The following FBXW4 variants were observed in gnomAD, a reference collection of about 807,000 sequenced individuals.
The protein encoded by FBXW4 is F-box/WD repeat-containing protein 4.
Under a neutral mutation model 61.8 loss-of-function variants are expected in FBXW4, and 40 were observed. The observed-to-expected ratio is 0.65, with a 90% CI of 0.50 to 0.84. The LOEUF is 0.84. Ranked by LOEUF, FBXW4 falls within the 40% of genes least tolerant of loss-of-function variation. The pLI is 0.00. For missense variants in FBXW4, 672 were observed against 753.8 expected, an observed-to-expected ratio of 0.89 and a Z score of 1.27; for synonymous variants, 311 against 313.8, an observed-to-expected ratio of 0.99 and a Z score of 0.10.
intron 5 of FBXW4, among the ~76,000 whole-genome samples, chr10:101,651,138 C>A (rs569241996): frequency 2.0e-5 from 3 of 152,290 alleles, no homozygotes; most frequent in Non-Finnish European, 4.4e-5. Flanking sequence ...AGCTCTGTCC[C>A]CCAGGGATTG....
At chr10:101,623,129 A>T (rs2063881121) in intron 6 of FBXW4, among the ~76,000 whole-genome samples, 1 of 152,240 alleles carries the variant, frequency 6.6e-6, no homozygotes, top group Admixed American at 6.5e-5. Flanking sequence ...AGAATAGTTT[A>T]AAAATAGTGA....
intron 5 of FBXW4, among the ~76,000 whole-genome samples, chr10:101,662,733 C>A (rs772764964): frequency 6.6e-6 from 1 of 152,018 alleles, no homozygotes; most frequent in Non-Finnish European, 1.5e-5. Context: ...GAGCTGTGGG[C>A]GCCTCTCCCT....
intron 5 of FBXW4, among the ~76,000 whole-genome samples, chr10:101,631,705 G>A (rs2063958842): frequency 6.6e-6 from 1 of 150,686 alleles, no homozygotes; most frequent in Middle Eastern, 3.5e-3. Context: ...TCGGCTCACT[G>A]CAACTTCCGT....
At chr10:101,673,704 C>T (rs564711402) in intron 2 of FBXW4, 31 bp from the exon 3 acceptor site, 4 of 1,601,452 alleles carry the variant, frequency 2.5e-6, no homozygotes, top group African/African-American at 2.7e-5. Flanking sequence ...ATTTAAAAGT[C>T]ATCAAGATAC....
intron 5 of FBXW4, among the ~76,000 whole-genome samples, chr10:101,650,071 C>T (rs1589759520): frequency 6.6e-6 from 1 of 152,208 alleles, no homozygotes; most frequent in East Asian, 1.9e-4. Context: ...CACAGCAAGA[C>T]TCAGGGTTTG....
At chr10:101,613,947 G>A (rs957835004) in intron 6 of FBXW4, among the ~76,000 whole-genome samples, 1 of 152,222 alleles carries the variant, frequency 6.6e-6, no homozygotes, top group Non-Finnish European at 1.5e-5. Context: ...GGGGGCTCCT[G>A]AGAGGGATCA....
At chr10:101,641,171 G>A (rs561481447) in intron 5 of FBXW4, among the ~76,000 whole-genome samples, 20 of 144,564 alleles carry the variant, frequency 1.4e-4, no homozygotes, top group Admixed American at 8.1e-4. Flanking sequence ...AGGCATTTAA[G>A]AGATAGATAA....
At chr10:101,649,061 T>C (rs2064124843) in intron 5 of FBXW4, among the ~76,000 whole-genome samples, 1 of 152,218 alleles carries the variant, frequency 6.6e-6, no homozygotes, top group East Asian at 1.9e-4. Flanking sequence ...ATTATATTTT[T>C]AAAGGAAAAA....
In FBXW4 at chr10:101,694,579, C is replaced by T; in HGVS notation, c.527G>A (p.Arg176His). The T allele has an allele frequency of 6.8e-7, 1 of 1,463,076 alleles. No individual in the cohort carries two copies. The highest frequency in any genetic ancestry group is 9.0e-7 in the Non-Finnish European group (1 of 1,116,996). The allele number at this position is 1,463,076 out of a possible 1,614,324, so 90.6% of individuals were successfully genotyped here. The change falls in exon 1 of 9, where the codon CGC becomes CAC. Residue 176 changes from arginine (R) to histidine (H), a missense_variant. Arg to His is a conservative substitution (Grantham distance 29, BLOSUM62 0). This residue lies in a region of FBXW4 where 311 missense variants were observed against 301.1 expected (regional missense o/e 1.03). Coordinates refer to ENST00000331272, the MANE Select transcript of FBXW4 (RefSeq NM_022039.4). The surrounding 1 kb of genome is among the most constrained non-coding windows in gnomAD (Gnocchi z 6.0). ...CCAGAGCGCAGGCCCCGCGGCCGGGCGGGCAGCCGACTCCCGAGCCGCCTC... is the reference window on the plus strand; with the variant it reads ...CCAGAGCGCAGGCCCCGCGGCCGGGTGGGCAGCCGACTCCCGAGCCGCCTC... ...EEEAARESAA[R>H]PAAGPALWRL... is the part of the protein sequence containing the mutation.
chr10:101,668,638 G>A (rs918410897), intron 4 of FBXW4, among the ~76,000 whole-genome samples: 12 of 152,150 alleles, frequency 7.9e-5, no homozygotes, highest in African/African-American at 2.7e-4. Context: ...TCTCCTACAG[G>A]TTAAAAATAT....
chr10:101,618,626 C>A (rs754729005), intron 6 of FBXW4, among the ~76,000 whole-genome samples: 3 of 152,116 alleles, frequency 2.0e-5, no homozygotes, highest in African/African-American at 4.8e-5. Context: ...GGGCTTGCCA[C>A]ACACACAGGG....
chr10:101,650,556 G>A (rs367580076), intron 5 of FBXW4, among the ~76,000 whole-genome samples: 3 of 152,116 alleles, frequency 2.0e-5, no homozygotes, highest in East Asian at 1.9e-4. Flanking sequence ...AGAACTAACC[G>A]CCCCCCTCAA....
At chr10:101,637,477 G>A (rs1269309495) in intron 5 of FBXW4, among the ~76,000 whole-genome samples, 3 of 150,756 alleles carry the variant, frequency 2.0e-5, no homozygotes, top group Non-Finnish European at 4.4e-5. Context: ...GGAGACCAAG[G>A]CGGGCAGATC....
intron 5 of FBXW4, among the ~76,000 whole-genome samples, chr10:101,645,740 A>G (rs946580483): frequency 6.6e-6 from 1 of 152,104 alleles, no homozygotes; most frequent in Non-Finnish European, 1.5e-5. Context: ...TCTTGAATTC[A>G]TTTTTTTTAA....
At chr10:101,658,373 C>T (rs572863916) in intron 5 of FBXW4, among the ~76,000 whole-genome samples, 3 of 152,190 alleles carry the variant, frequency 2.0e-5, no homozygotes, top group East Asian at 1.9e-4. Context: ...GGTGAAACCC[C>T]GTCTCTACTA....
At chr10:101,658,643 G>A (rs151286703) in intron 5 of FBXW4, among the ~76,000 whole-genome samples, 102 of 152,190 alleles carry the variant, frequency 6.7e-4, no homozygotes, top group African/African-American at 2.4e-3. Flanking sequence ...AGTGGCCTGA[G>A]AGCCACCTAA....
At chr10:101,632,343 C>A (rs757520320) in intron 5 of FBXW4, among the ~76,000 whole-genome samples, 5 of 152,180 alleles carry the variant, frequency 3.3e-5, no homozygotes, top group Non-Finnish European at 7.3e-5. Context: ...CCCTGCCCCC[C>A]AACTGCAACT....
At chr10:101,635,627 G>C (rs1469116548) in intron 5 of FBXW4, among the ~76,000 whole-genome samples, 1 of 152,076 alleles carries the variant, frequency 6.6e-6, no homozygotes, top group East Asian at 1.9e-4. Context: ...TTGAGCCCAG[G>C]AGTTCAAGAC....
rs1318850624 is a variant in FBXW4, at chr10:101,694,414, A to C, written c.692T>G (p.Leu231Arg). The change falls in exon 1 of 9, where the codon CTC (leucine) becomes CGC (arginine). Residue 231 changes from leucine to arginine, a missense_variant. Coordinates refer to ENST00000331272, the MANE Select transcript of FBXW4 (RefSeq NM_022039.4). The surrounding 1 kb of genome is among the most constrained non-coding windows in gnomAD (Gnocchi z 6.0). Reference sequence around the variant, plus strand: ...GCCGAGCCGCGTGAAGCCGGAGTTGAGCGAGGCCCGGGCTATCCGGCGCCA... The same window carrying C: ...GCCGAGCCGCGTGAAGCCGGAGTTGCGCGAGGCCCGGGCTATCCGGCGCCA... ...LLWRRIARAS[L>R]NSGFTRLGTD... 27 of 1,509,016 alleles carry C rather than the reference A, an allele frequency of 1.8e-5. No homozygotes were observed. The highest frequency in any genetic ancestry group is 2.4e-5 in the Non-Finnish European group (27 of 1,140,914). The allele number at this position is 1,509,016 out of a possible 1,614,324, so 93.5% of individuals were successfully genotyped here.
Sources: gnomAD v4.1 joint callset for allele counts (sites outside exome capture counted in the v4.1 genomes callset) on GRCh38, gnomAD v4.1.1 for gene constraint, gnomAD v4.1.1 regional missense constraint, Gnocchi (gnomAD v3.1) non-coding constraint, MANE v1.5 for transcripts, NCBI Gene and HGNC (gene_info 2026-07-23, HGNC 2026-07-21) for gene names.